The following CTSD variants were observed in gnomAD, a reference collection of about 807,000 sequenced individuals.
CTSD encodes the protein ceroid-lipofuscinosis, neuronal 10.
A neutral mutation model predicts 43.6 loss-of-function variants in CTSD; 28 were observed. That is an observed-to-expected ratio of 0.64 (90% CI 0.48 to 0.88). CTSD has a LOEUF of 0.88. Among genes scored for constraint, CTSD ranks in the 40% least tolerant of loss-of-function variants. CTSD has a pLI of 0.00. For synonymous variants in CTSD, 270 were observed against 249.8 expected (o/e 1.08, Z -0.76); for missense variants, 485 against 555.2 (o/e 0.87, Z 1.27).
intron 6 of CTSD, 50 bp downstream of exon 6, chr11:1,754,856 A>G: frequency 6.2e-7 from 1 of 1,611,808 alleles, no homozygotes; most frequent in Non-Finnish European, 8.5e-7. Context: ...GTCTCCGCAC[A>G]CCGCCCCCGC....
Position 1,753,640 on chromosome 11 carries a change from T to TCAGG in CTSD, c.1098_1101dup (p.Ser368ProfsTer32). 2.5e-6 allele frequency: 4 copies of TCAGG among 1,612,844 alleles called. No homozygotes were observed. Among genetic ancestry groups the TCAGG allele is most frequent in the Non-Finnish European group, 3.4e-6 (4 of 1,179,850 alleles). On this transcript the variant is annotated frameshift_variant, in exon 9 of 9. Transcript: ENST00000236671. LOFTEE classifies it high-confidence loss of function. Reference sequence around the variant, plus strand: ...GGGATGTCCATGCCCATGAAGCCGCTCAGGCAGAGGGTCTTCCCGGCCTGC... The same window carrying TCAGG: ...GGGATGTCCATGCCCATGAAGCCGCTCAGGCAGGCAGAGGGTCTTCCCGGCCTGC...
chr11:1,756,577 C>T (rs973962109), intron 5 of CTSD, among the ~76,000 whole-genome samples: 16 of 152,308 alleles, frequency 1.1e-4, no homozygotes, highest in East Asian at 5.8e-4. Context: ...AGGAGGCCGC[C>T]GGCTGACACG....
chr11:1,759,988 C>T (rs971555220), intron 2 of CTSD, among the ~76,000 whole-genome samples: 12 of 152,336 alleles, frequency 7.9e-5, no homozygotes, highest in Middle Eastern at 3.4e-3. Flanking sequence ...GCCTGAGCCC[C>T]GGGTGCAGGA....
chr11:1,753,249 A>G lies in CTSD; in HGVS notation c.*254T>C. ...GGTGGGGTCTTCCAATGCACGAAAC[A>G]GATCTGTGCTCTGGATCAGCTCTAC... On this transcript the variant is annotated 3_prime_UTR_variant, in exon 9 of 9. Transcript: ENST00000236671. The G allele has an allele frequency of 1.8e-6, 1 of 565,934 alleles. No homozygotes were observed. Among genetic ancestry groups the G allele is most frequent in the Non-Finnish European group, 3.2e-6 (1 of 314,150 alleles). The allele number at this position is 565,934 out of a possible 1,614,324, so 35.1% of individuals were successfully genotyped here. A position where few individuals can be genotyped will look rare whatever the true frequency, so the allele number is the denominator to read the frequency against.
At chr11:1,761,734 G>A (rs1398647571) in intron 1 of CTSD, 3 of 544,496 alleles carry the variant, frequency 5.5e-6, no homozygotes, top group Non-Finnish European at 1.0e-5. Context: ...CCCAACCTGG[G>A]GGCCAGTGTG....
At chr11:1,753,777 C>T (rs371870828) in intron 8 of CTSD, 26 bp downstream of exon 8, 36 of 1,610,772 alleles carry the variant, frequency 2.2e-5, no homozygotes, top group Admixed American at 3.3e-5. Flanking sequence ...TCACCTGGGG[C>T]GTGCGGCACC....
intron 6 of CTSD, chr11:1,754,399 G>GGTGGAGGGGC (rs1415852361): frequency 1.8e-6 from 1 of 544,286 alleles, no homozygotes; most frequent in Non-Finnish European, 3.3e-6. Context: ...GGATGGAGGG[G>GGTGGAGGGGC]ATGGAGGGGA....
Position 1,758,995 on chromosome 11 carries a change from C to T in CTSD, c.445G>A (p.Gly149Arg), listed in dbSNP as rs762336399. ...GACACAGTGTCCTGGCTCAGGTACCCGGAGAGGCTGCCCGAGCCATAGTGG... is the reference window on the plus strand; with the variant it reads ...GACACAGTGTCCTGGCTCAGGTACCTGGAGAGGCTGCCCGAGCCATAGTGG... ...DIHYGSGSLS[G>R]YLSQDTVSVP... The change falls in exon 4 of 9, where the codon GGG becomes AGG. Residue 149 changes from glycine to arginine, a missense_variant. Transcript: ENST00000236671. 2 of 1,613,662 alleles carry T rather than the reference C, an allele frequency of 1.2e-6. No individual in the cohort carries two copies. Among genetic ancestry groups the T allele is most frequent in the Non-Finnish European group, 1.7e-6 (2 of 1,179,600 alleles).
chr11:1,753,394 C>T lies in CTSD; in HGVS notation c.*109G>A, dbSNP rs1395398496. On this transcript the variant is annotated 3_prime_UTR_variant, in exon 9 of 9. Transcript: ENST00000236671. ...CCGCCGGCTTCCAGGGCGCCCAGGACAGTGGGCGGGCGAGTGTGTGGGTGT... is the reference window on the plus strand; with the variant it reads ...CCGCCGGCTTCCAGGGCGCCCAGGATAGTGGGCGGGCGAGTGTGTGGGTGT... 2 of 1,368,744 alleles carry T rather than the reference C, an allele frequency of 1.5e-6. No individual in the cohort carries two copies. Among genetic ancestry groups the T allele is most frequent in the South Asian group, 1.2e-5 (1 of 85,538 alleles). The allele number at this position is 1,368,744 out of a possible 1,614,324, so 84.8% of individuals were successfully genotyped here.
intron 5 of CTSD, 71 bp from the exon 6 acceptor site, chr11:1,755,099 A>T: frequency 6.3e-7 from 1 of 1,590,016 alleles, no homozygotes. Flanking sequence ...CAGGAGTAAG[A>T]GGGTGAATGT....
At position 1,753,425 on chromosome 11, in the gene CTSD, G is replaced by T; in HGVS notation, c.*78C>A. ...GCGGGCGAGTGTGTGGGTGTGTGTGGGAGGGGCCGCTGGGCCAGGGGCCTC... is the reference window on the plus strand; with the variant it reads ...GCGGGCGAGTGTGTGGGTGTGTGTGTGAGGGGCCGCTGGGCCAGGGGCCTC... On this transcript the variant is annotated 3_prime_UTR_variant, in exon 9 of 9. Transcript: ENST00000236671. 6.4e-7 allele frequency: 1 copy of T among 1,558,018 alleles called. No homozygotes were observed. Among genetic ancestry groups the T allele is most frequent in the Non-Finnish European group, 8.8e-7 (1 of 1,131,428 alleles).
chr11:1,754,253 C>T (rs922157971), intron 6 of CTSD, 115 bp from the exon 7 acceptor site: 2 of 1,246,474 alleles, frequency 1.6e-6, no homozygotes, highest in Admixed American at 2.0e-5. Context: ...CCCCTCAGGG[C>T]TCCTGGAAGC....
rs796052405 is a variant in CTSD at position 1,757,467 on chromosome 11, G to A, written c.561C>T (p.Gly187=). The change falls in exon 5 of 9, where the codon GGC becomes GGT. Residue 187 remains glycine (G), a synonymous_variant. Coordinates refer to ENST00000236671, the MANE Select transcript of CTSD (RefSeq NM_001909.5). ...QVFGEATKQP[G]ITFIAAKFDG... is the part of the protein sequence containing the mutation. Reference sequence around the variant, plus strand: ...CGAACTTGGCTGCGATGAAGGTGATGCCTGGCTGCTTGGTGGCCTCCCCAA... The same window carrying A: ...CGAACTTGGCTGCGATGAAGGTGATACCTGGCTGCTTGGTGGCCTCCCCAA... 2 of 1,614,070 alleles carry A rather than the reference G, an allele frequency of 1.2e-6. No homozygotes were observed. Among genetic ancestry groups the A allele is most frequent in the South Asian group, 1.1e-5 (1 of 91,088 alleles).
In CTSD at chr11:1,759,590, G is replaced by A; in HGVS notation, c.278C>T (p.Thr93Ile). 1 of 1,613,582 alleles carries A rather than the reference G, an allele frequency of 6.2e-7. No individual in the cohort carries two copies. Among genetic ancestry groups the A allele is most frequent in the Non-Finnish European group, 8.5e-7 (1 of 1,179,984 alleles). ...GGAGGAGCCCGTGTCGAAGACGACT[G>A]TGAAGCACTGGGGGGGCGTCCCGAT... ...IGIGTPPQCF[T>I]VVFDTGSSNL... Residue 93 changes from threonine (T) to isoleucine (I), a missense_variant, in exon 3 of 9, where the codon ACA becomes ATA. Coordinates refer to ENST00000236671, the MANE Select transcript of CTSD (RefSeq NM_001909.5).
rs1314875885 is a variant in CTSD at position 1,759,594 on chromosome 11, A to G, written c.274T>C (p.Phe92Leu). ...GAGCCCGTGTCGAAGACGACTGTGA[A>G]GCACTGGGGGGGCGTCCCGATGCCA... Reference protein sequence around the residue: ...EIGIGTPPQCFTVVFDTGSSN... With the variant: ...EIGIGTPPQCLTVVFDTGSSN... Residue 92 changes from phenylalanine to leucine, a missense_variant, in exon 3 of 9, where the codon TTC becomes CTC. Transcript: ENST00000236671. 1 of 1,613,442 alleles carries G rather than the reference A, an allele frequency of 6.2e-7. No homozygotes were observed. Among genetic ancestry groups the G allele is most frequent in the African/African-American group, 1.3e-5 (1 of 74,936 alleles).
In CTSD at chr11:1,757,284, CT is replaced by C. The variant is rs1372610402; in HGVS notation, c.704+39del. Reference sequence around the variant, plus strand: ...GGCTCCCCGTCCAGCCCCGCCCTGCCTCCCAGCAACGCGGAGCGAGAGGGAA... The same window carrying C: ...GGCTCCCCGTCCAGCCCCGCCCTGCCCCCAGCAACGCGGAGCGAGAGGGAA... On this transcript the variant is annotated intron_variant, in intron 5 of 8. Coordinates refer to ENST00000236671, the MANE Select transcript of CTSD (RefSeq NM_001909.5). 5.8e-6 allele frequency: 9 copies of C among 1,554,280 alleles called. No individual in the cohort carries two copies. In the Admixed American group the frequency reaches 6.9e-5, roughly 12 times the overall value.
chr11:1,762,660 G>A (rs781538642), intron 1 of CTSD, among the ~76,000 whole-genome samples: 5 of 152,170 alleles, frequency 3.3e-5, no homozygotes, highest in Non-Finnish European at 7.4e-5. Context: ...AGCTGGAATC[G>A]GGTGAGGGCT....
chr11:1,756,323 G>A (rs756533724), intron 5 of CTSD, among the ~76,000 whole-genome samples: 8 of 152,200 alleles, frequency 5.3e-5, no homozygotes, highest in Non-Finnish European at 1.0e-4. Flanking sequence ...TGGCCCAGCC[G>A]GTTCACCTGT....
At chr11:1,753,973 G>A in intron 7 of CTSD, 21 bp downstream of exon 7, 5 of 1,121,560 alleles carry the variant, frequency 4.5e-6, no homozygotes, top group Non-Finnish European at 6.4e-6. Context: ...CCCAGCCCCA[G>A]CCCCAGCCCC....
Sources: gnomAD v4.1 joint callset for allele counts (sites outside exome capture counted in the v4.1 genomes callset) on GRCh38, gnomAD v4.1.1 for gene constraint, MANE v1.5 for transcripts, NCBI Gene and HGNC (gene_info 2026-07-23, HGNC 2026-07-21) for gene names.